The following DCHS2 variants were observed in gnomAD, a reference collection of about 807,000 sequenced individuals.
The protein encoded by DCHS2 is dachsous cadherin-related 2, also known as protocadherin-23.
DCHS2 carries 142 observed loss-of-function variants against 182.4 expected under a neutral mutation model. That is an observed-to-expected ratio of 0.78 (90% CI 0.68 to 0.89). The LOEUF (loss-of-function observed/expected upper bound fraction) is 0.89, where lower values mean the gene tolerates loss of function less well. DCHS2 is among the 40% of genes least tolerant of loss of function. DCHS2 has a pLI of 0.00. For missense variants in DCHS2, 4,319 were observed against 4,198.6 expected (o/e 1.03, Z -0.79); for synonymous variants, 1,740 against 1,663.3 (o/e 1.05, Z -1.12).
chr4:154,260,845 A>G (rs868299710), intron 14 of DCHS2, among the ~76,000 whole-genome samples: 7 of 152,278 alleles, frequency 4.6e-5, no homozygotes, highest in Middle Eastern at 6.8e-3. Flanking sequence ...GAAGGCACAC[A>G]GTAATACTTT....
intron 1 of DCHS2, among the ~76,000 whole-genome samples, chr4:154,471,352 G>T (rs2111018447): frequency 6.6e-6 from 1 of 152,248 alleles, no homozygotes; most frequent in East Asian, 1.9e-4. Context: ...ATAAATTATG[G>T]TTTAAAAATA....
intron 5 of DCHS2, among the ~76,000 whole-genome samples, chr4:154,329,928 A>G (rs545247651): frequency 1.6e-4 from 24 of 152,356 alleles, no homozygotes; most frequent in African/African-American, 5.8e-4. Flanking sequence ...TGTATTTCAA[A>G]TTATCATCCA....
chr4:154,342,336 C>T (rs963339847), intron 3 of DCHS2, among the ~76,000 whole-genome samples: 5 of 152,032 alleles, frequency 3.3e-5, no homozygotes, highest in East Asian at 1.9e-4. Flanking sequence ...CTGAAGGTGG[C>T]GGTGGCTGTG....
At chr4:154,378,714 G>A (rs1403934203) in intron 1 of DCHS2, among the ~76,000 whole-genome samples, 1 of 152,110 alleles carries the variant, frequency 6.6e-6, no homozygotes, top group Non-Finnish European at 1.5e-5. Flanking sequence ...GTCACATAAC[G>A]AATAAGTGTC....
At position 154,235,526 on chromosome 4, in the gene DCHS2, C is replaced by A. The variant is rs772655193; in HGVS notation, c.9126G>T (p.Val3042=). The change falls in exon 20 of 20, where the codon GTG becomes GTT. Residue 3042 remains valine (V), a synonymous_variant. Transcript: ENST00000357232. ...CTTTGAGCACACTGGCATCCCGGGT[C>A]ACTCTCAAGTCCGCATCTAAAGATG... ...KTSSLDADLR[V]TRDASVLKAF... is the part of the protein sequence containing the mutation. The A allele has an allele frequency of 3.7e-6, 6 of 1,613,982 alleles. No homozygotes were observed. In the African/African-American group the frequency reaches 8.0e-5, roughly 22 times the overall value.
intron 3 of DCHS2, among the ~76,000 whole-genome samples, chr4:154,340,760 C>T (rs984606549): frequency 3.9e-5 from 6 of 152,150 alleles, no homozygotes; most frequent in Non-Finnish European, 5.9e-5. Context: ...AAAAGGGAGA[C>T]ATGACATCAA....
intron 1 of DCHS2, among the ~76,000 whole-genome samples, chr4:154,412,892 A>C (rs894536391): frequency 6.6e-6 from 1 of 152,230 alleles, no homozygotes; most frequent in African/African-American, 2.4e-5. Flanking sequence ...CATACTGCTT[A>C]CTTATTGCAA....
intron 1 of DCHS2, among the ~76,000 whole-genome samples, chr4:154,441,972 G>T (rs913981849): frequency 6.6e-6 from 1 of 151,998 alleles, no homozygotes; most frequent in Admixed American, 6.6e-5. Flanking sequence ...AATAACCATT[G>T]GGTAAGTCAA....
At chr4:154,365,227 C>T (rs933750894) in intron 3 of DCHS2, among the ~76,000 whole-genome samples, 1 of 151,976 alleles carries the variant, frequency 6.6e-6, no homozygotes, top group Non-Finnish European at 1.5e-5. Flanking sequence ...TAAGGGAATG[C>T]CAGACCTAGT....
intron 3 of DCHS2, among the ~76,000 whole-genome samples, chr4:154,365,809 C>T (rs868136909): frequency 6.6e-5 from 10 of 151,654 alleles, no homozygotes; most frequent in Non-Finnish European, 1.3e-4. Context: ...CCACCACGTC[C>T]GGCTAATTTT....
chr4:154,236,251 A>G lies in DCHS2; in HGVS notation c.8401T>C (p.Tyr2801His), dbSNP rs1560971086. The G allele has an allele frequency of 1.2e-6, 2 of 1,613,926 alleles. No individual in the cohort carries two copies. The highest frequency in any genetic ancestry group is 3.3e-5 in the Admixed American group (2 of 60,002). Residue 2801 changes from tyrosine to histidine, a missense_variant, in exon 20 of 20, where the codon TAT (tyrosine) becomes CAT (histidine). Coordinates refer to ENST00000357232, the MANE Select transcript of DCHS2 (RefSeq NM_001358235.2). ...ACAATAGAATAGGTCAATTCTCCAT[A>G]CGGACCAGCATCAAAATCCAGAGCA... is the stretch of plus-strand genomic sequence containing the variant. ...INALDFDAGP[Y>H]GELTYSIVSP...
chr4:154,380,429 A>G (rs1479693587), intron 1 of DCHS2, among the ~76,000 whole-genome samples: 2 of 152,182 alleles, frequency 1.3e-5, no homozygotes, highest in Admixed American at 1.3e-4. Context: ...TTAATAATTT[A>G]GAAGCTTCAA....
intron 1 of DCHS2, among the ~76,000 whole-genome samples, chr4:154,404,075 G>A (rs1044298577): frequency 2.6e-5 from 4 of 151,766 alleles, no homozygotes; most frequent in African/African-American, 9.7e-5. Flanking sequence ...TACTTCATAG[G>A]ATTTCCTCTT....
At position 154,269,914 on chromosome 4, in the gene DCHS2, A is replaced by C. The variant is rs762687109; in HGVS notation, c.6563T>G (p.Leu2188Arg). Residue 2188 changes from leucine to arginine, a missense_variant, in exon 14 of 20, where the codon CTG becomes CGG. Transcript: ENST00000357232. Reference sequence around the variant, plus strand: ...AGAAGGATTACCTGACTTAGAGCACAGGGAAAGAACTCCATCTTCATTTCC... The same window carrying C: ...AGAAGGATTACCTGACTTAGAGCACCGGGAAAGAACTCCATCTTCATTTCC... ...FSGNEDGVLS[L>R]CSKSGQLTVK... 1.2e-6 allele frequency: 2 copies of C among 1,611,976 alleles called. No individual in the cohort carries two copies. Among genetic ancestry groups the C allele is most frequent in the Middle Eastern group, 1.7e-4 (1 of 6,036 alleles).
At chr4:154,302,893 TAC>T (rs1479065908) in intron 12 of DCHS2, among the ~76,000 whole-genome samples, 1 of 147,428 alleles carries the variant, frequency 6.8e-6, no homozygotes, top group Non-Finnish European at 1.5e-5. Flanking sequence ...GAAATATATA[TAC>T]GTGTATATAT....
intron 1 of DCHS2, among the ~76,000 whole-genome samples, chr4:154,436,964 TTCA>T (rs1369778427): frequency 6.6e-6 from 1 of 152,212 alleles, no homozygotes; most frequent in Non-Finnish European, 1.5e-5. Flanking sequence ...TACAATTAAT[TTCA>T]TCTGTTTCCT....
intron 1 of DCHS2, among the ~76,000 whole-genome samples, chr4:154,467,678 T>C (rs1157795402): frequency 5.9e-5 from 9 of 152,132 alleles, no homozygotes; most frequent in Admixed American, 5.2e-4. Flanking sequence ...TGAAAATAGA[T>C]ATTTGTAGGT....
intron 1 of DCHS2, among the ~76,000 whole-genome samples, chr4:154,461,398 T>C (rs1026648046): frequency 1.3e-5 from 2 of 152,144 alleles, no homozygotes; most frequent in African/African-American, 4.8e-5. Flanking sequence ...TAAAAACAAA[T>C]AACTCTACTT....
chr4:154,299,756 T>C (rs1735123767), intron 12 of DCHS2, among the ~76,000 whole-genome samples: 1 of 152,214 alleles, frequency 6.6e-6, no homozygotes, highest in South Asian at 2.1e-4. Context: ...GCATCTACTA[T>C]GTGCCAAGTT....
Sources: gnomAD v4.1 joint callset for allele counts (sites outside exome capture counted in the v4.1 genomes callset) on GRCh38, gnomAD v4.1.1 for gene constraint, MANE v1.5 for transcripts, NCBI Gene and HGNC (gene_info 2026-07-23, HGNC 2026-07-21) for gene names.